Variants in SLIT3 observed in about 807,000 individuals in gnomAD.
The protein encoded by SLIT3 is slit guidance ligand 3.
A neutral mutation model predicts 184.0 loss-of-function variants in SLIT3; 68 were observed. The ratio of observed to expected loss-of-function variants is 0.37; its 90% CI spans 0.30 to 0.45. SLIT3 has a LOEUF of 0.45. Ranked by LOEUF, SLIT3 falls within the 20% of genes least tolerant of loss-of-function variation. SLIT3 has a pLI of 1.00. For missense variants in SLIT3, 1,707 were observed against 2,026.0 expected (o/e 0.84, Z 3.02); for synonymous variants, 831 against 828.6 (o/e 1.00, Z -0.05).
rs1345860430 is a variant in SLIT3 at position 169,140,347 on chromosome 5, G to A, written c.413+53132C>T. Reference sequence around the variant, plus strand: ...AAAAAAAAAAAAAGCCAGGCATGGTGGTGTGTGCCTGTAGTCCCAGCTACT... The same window carrying A: ...AAAAAAAAAAAAAGCCAGGCATGGTAGTGTGTGCCTGTAGTCCCAGCTACT... On this transcript the variant is annotated intron_variant, in intron 4 of 35. Transcript: ENST00000519560. Among the ~76,000 whole-genome samples the A allele has an allele frequency of 4.1e-5, 6 of 147,294 alleles. No homozygotes were observed. The East Asian group carries it at 1.2e-3, about 29-fold the overall frequency.
chr5:169,251,530 T>C, intron 1 of SLIT3, 71 bp from the exon 2 acceptor site: 1 of 1,045,642 alleles, frequency 9.6e-7, no homozygotes, highest in South Asian at 1.3e-5. Context: ...CCAGACTGGC[T>C]TGGACTGAAG....
chr5:168,793,494 TG>T (rs1756458505), intron 10 of SLIT3, among the ~76,000 whole-genome samples: 1 of 151,890 alleles, frequency 6.6e-6, no homozygotes, highest in South Asian at 2.1e-4. Flanking sequence ...GCCATCCTCT[TG>T]GGGGAAAAAA....
chr5:168,681,629 A>G (rs1317656617), intron 32 of SLIT3, among the ~76,000 whole-genome samples: 1 of 152,198 alleles, frequency 6.6e-6, no homozygotes, highest in African/African-American at 2.4e-5. Context: ...GCTCCCTGAC[A>G]GCAGCTTCTG....
At chr5:168,957,892 T>A (rs1285893489) in intron 4 of SLIT3, among the ~76,000 whole-genome samples, 1 of 152,130 alleles carries the variant, frequency 6.6e-6, no homozygotes, top group Admixed American at 6.5e-5. Flanking sequence ...ACTCATGCAT[T>A]GGGGTGGGGG....
chr5:168,785,031 G>C (rs1756104847), intron 12 of SLIT3, among the ~76,000 whole-genome samples: 1 of 152,014 alleles, frequency 6.6e-6, no homozygotes, highest in South Asian at 2.1e-4. Flanking sequence ...GGAGAGTCAT[G>C]TATCTCTCCG....
chr5:168,755,430 T>G (rs1257954482), intron 16 of SLIT3, among the ~76,000 whole-genome samples: 1 of 118,042 alleles, frequency 8.5e-6, no homozygotes, highest in East Asian at 3.1e-4. Context: ...TCTTTCTTTC[T>G]TTCTTTCTTT....
At chr5:169,147,051 G>A (rs536015654) in intron 4 of SLIT3, among the ~76,000 whole-genome samples, 5 of 152,306 alleles carry the variant, frequency 3.3e-5, no homozygotes, top group African/African-American at 9.6e-5. Flanking sequence ...GTTATTGTCT[G>A]TCATACTGGA....
intron 4 of SLIT3, among the ~76,000 whole-genome samples, chr5:168,973,239 T>TTTTTA (rs1754639378): frequency 1.3e-5 from 2 of 152,152 alleles, no homozygotes. Context: ...TCATTGAAAA[T>TTTTTA]TTTAATTATT....
intron 29 of SLIT3, among the ~76,000 whole-genome samples, chr5:168,691,992 T>C (rs1230448454): frequency 1.3e-5 from 2 of 152,206 alleles, no homozygotes; most frequent in Non-Finnish European, 2.9e-5. Flanking sequence ...CATGGCTTTC[T>C]GACCTGAGGC....
chr5:168,888,131 C>T (rs139976373), intron 4 of SLIT3, among the ~76,000 whole-genome samples: 412 of 152,118 alleles, frequency 2.7e-3, no homozygotes, highest in East Asian at 0.01. Context: ...GAAGTGCTCC[C>T]GGGAGAGACC....
intron 4 of SLIT3, among the ~76,000 whole-genome samples, chr5:169,169,582 C>T (rs574825797): frequency 6.8e-4 from 104 of 152,232 alleles, no homozygotes; most frequent in African/African-American, 2.4e-3. Flanking sequence ...TTCATGGTTC[C>T]GAAAATTAGA....
rs1317513104 is a variant in SLIT3 at position 169,301,125 on chromosome 5, C to G, written c.-416G>C. 2.0e-5 allele frequency: 3 copies of G among 152,984 alleles called. No homozygotes were observed. In the East Asian group the frequency reaches 5.8e-4, roughly 30 times the overall value. 9.5% of individuals were successfully genotyped at this position (152,984 alleles called of 1,614,324 possible). A position where few individuals can be genotyped will look rare whatever the true frequency, so the allele number is the denominator to read the frequency against. On this transcript the variant is annotated 5_prime_UTR_variant, in exon 1 of 36. Coordinates refer to ENST00000519560, the MANE Select transcript of SLIT3 (RefSeq NM_003062.4). ...GGCCGGGTGAGCTGGCCGGCGCTCG[C>G]TCTCTCCATTCAGTGAGCACGGCAG...
At chr5:169,146,307 G>A (rs1761922481) in intron 4 of SLIT3, among the ~76,000 whole-genome samples, 1 of 152,222 alleles carries the variant, frequency 6.6e-6, no homozygotes, top group Admixed American at 6.5e-5. Context: ...CTTAAGCACA[G>A]GCTGGTGATG....
At chr5:168,701,374 A>T (rs1263406224) in intron 26 of SLIT3, among the ~76,000 whole-genome samples, 2 of 152,152 alleles carry the variant, frequency 1.3e-5, no homozygotes, top group Non-Finnish European at 2.9e-5. Context: ...TTGGTATTCT[A>T]AAGTTCTGAA....
intron 14 of SLIT3, among the ~76,000 whole-genome samples, chr5:168,770,248 C>T (rs1433152052): frequency 3.3e-5 from 5 of 152,334 alleles, no homozygotes; most frequent in African/African-American, 9.6e-5. Context: ...GAGAGGCAGA[C>T]ACAGGCAGCT....
At chr5:169,199,387 G>C (rs1325209118) in intron 3 of SLIT3, among the ~76,000 whole-genome samples, 1 of 152,132 alleles carries the variant, frequency 6.6e-6, no homozygotes, top group Admixed American at 6.6e-5. Flanking sequence ...CGCTCCAGGT[G>C]GGGTAACTGA....
At chr5:168,928,315 G>T (rs2113152031) in intron 4 of SLIT3, among the ~76,000 whole-genome samples, 1 of 152,262 alleles carries the variant, frequency 6.6e-6, no homozygotes, top group Non-Finnish European at 1.5e-5. Flanking sequence ...GTTATATTTT[G>T]CTCTATTATG....
chr5:169,051,658 C>T (rs1357460711), intron 4 of SLIT3, among the ~76,000 whole-genome samples: 1 of 152,186 alleles, frequency 6.6e-6, no homozygotes, highest in Non-Finnish European at 1.5e-5. Context: ...GAGCAGCCAG[C>T]TTTTGTATGG....
At chr5:169,118,398 T>C (rs1760767878) in intron 4 of SLIT3, among the ~76,000 whole-genome samples, 1 of 152,214 alleles carries the variant, frequency 6.6e-6, no homozygotes, top group African/African-American at 2.4e-5. Context: ...CTAGTGACAC[T>C]GGCTGAAGGT....
Sources: allele counts gnomAD v4.1 joint callset (sites outside exome capture counted in the v4.1 genomes callset), GRCh38; gene constraint gnomAD v4.1.1; transcripts MANE v1.5; gene names NCBI Gene and HGNC (gene_info 2026-07-23, HGNC 2026-07-21).